IL1RAPL1: variants seen among roughly 807,000 people sequenced by gnomAD.
The protein encoded by IL1RAPL1 is interleukin 1 receptor accessory protein like 1, also known as interleukin-1 receptor accessory protein-like 1.
In IL1RAPL1, 3 loss-of-function variants were observed where a neutral mutation model predicts 48.4. That is an observed-to-expected ratio of 0.06 (90% CI 0.03 to 0.16). IL1RAPL1 has a LOEUF of 0.16. Among genes scored for constraint, IL1RAPL1 ranks in the 10% least tolerant of loss-of-function variants. IL1RAPL1 has a pLI of 1.00. For missense variants in IL1RAPL1, 349 were observed against 530.6 expected, an observed-to-expected ratio of 0.66 and a Z score of 3.36; for synonymous variants, 185 against 187.7, an observed-to-expected ratio of 0.99 and a Z score of 0.12.
intron 6 of IL1RAPL1, among the ~76,000 whole-genome samples, chrX:29,749,304 T>C (rs1928404605): frequency 8.9e-6 from 1 of 112,324 alleles, no homozygotes; most frequent in South Asian, 3.7e-4. Flanking sequence ...TTTAAATTTT[T>C]GTCACCATTT....
intron 9 of IL1RAPL1, 151 bp from the exon 10 acceptor site, chrX:29,954,371 G>A (rs1933376730): frequency 2.2e-6 from 1 of 448,898 alleles, no homozygotes; most frequent in Non-Finnish European, 3.9e-6. Context: ...TAGAATCATT[G>A]AACTCAATGA....
At chrX:29,391,653 A>T (rs1249346927) in intron 3 of IL1RAPL1, among the ~76,000 whole-genome samples, 1 of 111,925 alleles carries the variant, frequency 8.9e-6, no homozygotes, top group African/African-American at 3.2e-5. Flanking sequence ...CGTCCAGAAG[A>T]CGTTTATTTT....
chrX:29,033,243 C>T (rs1036213051), intron 2 of IL1RAPL1, among the ~76,000 whole-genome samples: 6 of 110,862 alleles, frequency 5.4e-5, no homozygotes, highest in African/African-American at 1.6e-4. Flanking sequence ...AGGACTTTGC[C>T]GTTTATAGTA....
chrX:29,861,211 C>T (rs1373094017), intron 6 of IL1RAPL1, among the ~76,000 whole-genome samples: 1 of 111,601 alleles, frequency 9.0e-6, no homozygotes, highest in African/African-American at 3.3e-5. Context: ...ACAAGAAATG[C>T]TCTAAAGAGA....
chrX:29,012,486 G>C (rs1373247234), intron 2 of IL1RAPL1, among the ~76,000 whole-genome samples: 1 of 111,737 alleles, frequency 8.9e-6, no homozygotes, highest in Non-Finnish European at 1.9e-5. Context: ...AGAGGTTGCA[G>C]TGAGCCGAGA....
At chrX:29,391,922 T>C (rs1374234339) in intron 3 of IL1RAPL1, among the ~76,000 whole-genome samples, 1 of 112,090 alleles carries the variant, frequency 8.9e-6, no homozygotes, top group Non-Finnish European at 1.9e-5. Flanking sequence ...CAGCATTGGG[T>C]CCCTTTGCTG....
At chrX:29,120,917 T>C (rs1268961037) in intron 2 of IL1RAPL1, among the ~76,000 whole-genome samples, 1 of 112,051 alleles carries the variant, frequency 8.9e-6, no homozygotes, top group African/African-American at 3.2e-5. Flanking sequence ...ATCCCAGTTA[T>C]GCAAAACTGG....
chrX:29,172,365 T>A (rs1456023851), intron 2 of IL1RAPL1, among the ~76,000 whole-genome samples: 2 of 111,707 alleles, frequency 1.8e-5, no homozygotes, highest in East Asian at 5.6e-4. Flanking sequence ...TGGTCCCTGT[T>A]CAAGACATAG....
intron 1 of IL1RAPL1, among the ~76,000 whole-genome samples, chrX:28,597,507 G>A (rs188800123): frequency 5.7e-4 from 63 of 111,097 alleles, no homozygotes; most frequent in Middle Eastern, 4.6e-3. Flanking sequence ...GGAGGCAGGC[G>A]GATCACCGGA....
chrX:28,754,664 A>G (rs1222984457), intron 1 of IL1RAPL1, among the ~76,000 whole-genome samples: 5 of 112,089 alleles, frequency 4.5e-5, no homozygotes, highest in African/African-American at 1.6e-4. Flanking sequence ...CTCAAATTCT[A>G]TATTCTTACC....
At chrX:29,326,602 A>T (rs1932844116) in intron 3 of IL1RAPL1, among the ~76,000 whole-genome samples, 1 of 112,537 alleles carries the variant, frequency 8.9e-6, no homozygotes, top group Non-Finnish European at 1.9e-5. Context: ...TGAAGAGCTG[A>T]AAAAGAGATA....
intron 2 of IL1RAPL1, among the ~76,000 whole-genome samples, chrX:29,038,093 G>T (rs1390580345): frequency 9.0e-6 from 1 of 111,060 alleles, no homozygotes; most frequent in Non-Finnish European, 1.9e-5. Flanking sequence ...ATGTTCACAG[G>T]GTCCTTTCGC....
Position 29,708,787 on chromosome X carries a change from AC to A in IL1RAPL1, c.778+40285del, listed in dbSNP as rs1471505113. 4.5e-5 allele frequency among the ~76,000 whole-genome samples: 5 copies of A among 111,206 alleles called. No individual in the cohort carries two copies. The Admixed American group carries it at 4.8e-4, about 11-fold the overall frequency. On this transcript the variant is annotated intron_variant, in intron 6 of 10. Coordinates refer to ENST00000378993, the MANE Select transcript of IL1RAPL1 (RefSeq NM_014271.4). ...AATTATATTTTTAGTTTTTTGATAA[AC>A]CTCTATACTATTTCCAAAATTACTG...
chrX:29,528,123 C>A (rs1011153048), intron 5 of IL1RAPL1, among the ~76,000 whole-genome samples: 1 of 112,023 alleles, frequency 8.9e-6, no homozygotes, highest in Admixed American at 9.4e-5. Flanking sequence ...ATATGCAATC[C>A]CACTTTGACC....
At chrX:29,681,639 C>T (rs2147105928) in intron 6 of IL1RAPL1, among the ~76,000 whole-genome samples, 1 of 111,999 alleles carries the variant, frequency 8.9e-6, no homozygotes, top group East Asian at 2.8e-4. Context: ...TTCCTAAGGT[C>T]CTTTACTCAA....
chrX:29,208,742 AT>A (rs1336830947), intron 2 of IL1RAPL1, among the ~76,000 whole-genome samples: 2 of 107,589 alleles, frequency 1.9e-5, no homozygotes, highest in African/African-American at 6.7e-5. Flanking sequence ...TAATAAATAA[AT>A]AAATAAATAA....
chrX:29,081,074 A>T (rs1330248345), intron 2 of IL1RAPL1, among the ~76,000 whole-genome samples: 4 of 36,514 alleles, frequency 1.1e-4, no homozygotes, highest in African/African-American at 1.1e-4. Flanking sequence ...TTTTTTTTTG[A>T]TGGAGTTTTG....
chrX:28,712,994 C>G (rs1304874004), intron 1 of IL1RAPL1, among the ~76,000 whole-genome samples: 4 of 111,089 alleles, frequency 3.6e-5, no homozygotes, highest in African/African-American at 1.3e-4. Flanking sequence ...GCTGTTATGC[C>G]AAAAGATAAA....
chrX:29,284,971 T>C (rs1053162980), intron 3 of IL1RAPL1, among the ~76,000 whole-genome samples: 1 of 111,934 alleles, frequency 8.9e-6, no homozygotes, highest in African/African-American at 3.2e-5. Context: ...ATATCTGCTG[T>C]GTTTCTTTTT....
Sources: gnomAD v4.1 joint callset for allele counts (sites outside exome capture counted in the v4.1 genomes callset) on GRCh38, gnomAD v4.1.1 for gene constraint, MANE v1.5 for transcripts, NCBI Gene and HGNC (gene_info 2026-07-23, HGNC 2026-07-21) for gene names.